GALC: variants seen among roughly 807,000 people sequenced by gnomAD.
GALC encodes the protein galactocerebrosidase.
In GALC, 77 loss-of-function variants were observed where a neutral mutation model predicts 91.8. That is an observed-to-expected ratio of 0.84 (90% CI 0.70 to 1.01). The LOEUF is 1.01. Ranked by LOEUF, GALC falls within the 50% of genes least tolerant of loss-of-function variation. The probability of loss-of-function intolerance (pLI) is 0.00; values close to 1 mark genes in which losing one functional copy is unlikely to be tolerated. For synonymous variants in GALC, 357 were observed against 306.7 expected, an observed-to-expected ratio of 1.16 and a Z score of -1.71; for missense variants, 882 against 855.9, an observed-to-expected ratio of 1.03 and a Z score of -0.38.
chr14:87,943,006 T>C lies in GALC; in HGVS notation c.1671-1448A>G, dbSNP rs114095345. The stretch of plus-strand genomic sequence containing the variant: ...AGTGCTACAAATACCATCAGCACCA[T>C]AAAATTATTCTATTTAGAGTTGGAA... On this transcript the variant is annotated intron_variant, in intron 14 of 16. Transcript: ENST00000261304. 4.5e-3 allele frequency among the ~76,000 whole-genome samples: 686 copies of C among 152,174 alleles called. 6 individuals carry two copies. Among genetic ancestry groups the C allele is most frequent in the African/African-American group, 0.016 (661 of 41,538 alleles).
chr14:87,956,928 T>C (rs1885581815), intron 10 of GALC, among the ~76,000 whole-genome samples: 1 of 148,694 alleles, frequency 6.7e-6, no homozygotes, highest in Non-Finnish European at 1.5e-5. Flanking sequence ...CCAACATCTA[T>C]TGTTTTTTGA....
At chr14:87,980,023 C>T (rs1886669852) in intron 6 of GALC, among the ~76,000 whole-genome samples, 1 of 152,186 alleles carries the variant, frequency 6.6e-6, no homozygotes, top group African/African-American at 2.4e-5. Context: ...GAGTACCTAG[C>T]TCTGGCTGCA....
chr14:87,988,279 C>A, intron 2 of GALC, 72 bp from the exon 3 acceptor site: 1 of 1,422,396 alleles, frequency 7.0e-7, no homozygotes. Flanking sequence ...CTAATTACTG[C>A]CTTAGGTTTT....
At chr14:87,969,330 G>A (rs1886185852) in intron 7 of GALC, among the ~76,000 whole-genome samples, 1 of 152,118 alleles carries the variant, frequency 6.6e-6, no homozygotes, top group African/African-American at 2.4e-5. Flanking sequence ...TATCAATAGT[G>A]CAGCAGGTGA....
chr14:87,965,779 G>T, intron 8 of GALC, 150 bp from the exon 9 acceptor site: 2 of 800,014 alleles, frequency 2.5e-6, no homozygotes, highest in Non-Finnish European at 2.0e-6. Context: ...AATATAAGTT[G>T]TCTAAATTTA....
chr14:87,962,309 G>A (rs1490809537), intron 10 of GALC, among the ~76,000 whole-genome samples: 3 of 151,970 alleles, frequency 2.0e-5, no homozygotes, highest in East Asian at 1.9e-4. Context: ...TTTTGACTAC[G>A]ATGAAGTGTA....
rs1024274277 is a variant in GALC at position 87,964,141 on chromosome 14, A to G, written c.1034-630T>C. On this transcript the variant is annotated intron_variant, in intron 9 of 16. Transcript: ENST00000261304. ...ATATACAAGTCCAATATACAAGTCTAACCTTAGTTTTCTCATATAATTCTC... is the reference window on the plus strand; with the variant it reads ...ATATACAAGTCCAATATACAAGTCTGACCTTAGTTTTCTCATATAATTCTC... Among the ~76,000 whole-genome samples the G allele has an allele frequency of 2.0e-5, 3 of 152,100 alleles. No homozygotes were observed. In the East Asian group the frequency reaches 5.8e-4, roughly 29 times the overall value.
chr14:87,936,407 T>A (rs1884568586), intron 16 of GALC, among the ~76,000 whole-genome samples: 1 of 151,984 alleles, frequency 6.6e-6, no homozygotes, highest in Non-Finnish European at 1.5e-5. Flanking sequence ...CACAGCCACA[T>A]CCATTGTCTA....
intron 4 of GALC, 87 bp downstream of exon 4, chr14:87,986,402 T>A: frequency 1.2e-6 from 1 of 832,964 alleles, no homozygotes; most frequent in East Asian, 2.6e-5. Flanking sequence ...AGTACTTCCG[T>A]ATTAATAGAG....
chr14:87,938,579 G>A (rs442118), intron 16 of GALC, among the ~76,000 whole-genome samples: 74,771 of 151,812 alleles, frequency 0.49, 19,092 homozygotes, highest in African/African-American at 0.6. Context: ...ATAGTCCATT[G>A]TAATAAATGA....
chr14:87,975,338 C>A (rs762899783), intron 7 of GALC, among the ~76,000 whole-genome samples: 147 of 152,062 alleles, frequency 9.7e-4, no homozygotes, highest in Non-Finnish European at 1.4e-3. Context: ...CAACCAATCA[C>A]CATGCATGAA....
At chr14:87,987,262 T>C (rs1006411570) in intron 3 of GALC, among the ~76,000 whole-genome samples, 2 of 152,210 alleles carry the variant, frequency 1.3e-5, no homozygotes, top group African/African-American at 4.8e-5. Flanking sequence ...CGAGAGGCCC[T>C]TGCCCATTTC....
At chr14:87,940,665 C>A (rs1884795568) in intron 15 of GALC, among the ~76,000 whole-genome samples, 1 of 151,902 alleles carries the variant, frequency 6.6e-6, no homozygotes, top group Admixed American at 6.6e-5. Context: ...ATCCTTACTA[C>A]CTACTTCCTC....
intron 1 of GALC, 57 bp downstream of exon 1, chr14:87,992,913 G>GGCCCCACGGGGCGGGCTCTTGCC: frequency 2.0e-6 from 3 of 1,470,726 alleles, no homozygotes; most frequent in Non-Finnish European, 2.7e-6. Context: ...TTGTGGGGCT[G>GGCCCCACGGGGCGGGCTCTTGCC]GCCCCACGGG....
At chr14:87,979,977 A>C (rs1886667951) in intron 6 of GALC, among the ~76,000 whole-genome samples, 1 of 150,942 alleles carries the variant, frequency 6.6e-6, no homozygotes, top group African/African-American at 2.4e-5. Flanking sequence ...CCACCACCAC[A>C]CTCCCATCAG....
At chr14:87,977,034 G>GC (rs986700653) in intron 6 of GALC, among the ~76,000 whole-genome samples, 1 of 98,590 alleles carries the variant, frequency 1.0e-5, no homozygotes, top group African/African-American at 3.6e-5. Flanking sequence ...TAGAAATATG[G>GC]GGGGGGGGGG....
At chr14:87,972,049 G>T (rs1378420112) in intron 7 of GALC, among the ~76,000 whole-genome samples, 1 of 152,106 alleles carries the variant, frequency 6.6e-6, no homozygotes, top group East Asian at 1.9e-4. Flanking sequence ...ATGAGGCAGG[G>T]AGGAATAGTC....
At chr14:87,985,343 C>T (rs1169561632) in intron 4 of GALC, among the ~76,000 whole-genome samples, 1 of 152,146 alleles carries the variant, frequency 6.6e-6, no homozygotes, top group Non-Finnish European at 1.5e-5. Context: ...AGGAGGAACA[C>T]CCAAGTGTAT....
intron 1 of GALC, chr14:87,992,674 C>T: frequency 1.4e-6 from 2 of 1,438,378 alleles, no homozygotes; most frequent in South Asian, 3.0e-5. Flanking sequence ...GGGTTCCAGC[C>T]CCGGCTACTT....
Sources: allele counts gnomAD v4.1 joint callset (sites outside exome capture counted in the v4.1 genomes callset), GRCh38; gene constraint gnomAD v4.1.1; transcripts MANE v1.5; gene names NCBI Gene and HGNC (gene_info 2026-07-23, HGNC 2026-07-21).